The following RPL31 variants were observed in gnomAD, a reference collection of about 807,000 sequenced individuals.
RPL31 encodes large ribosomal subunit protein eL31.
For missense variants in RPL31, 95 were observed against 164.0 expected, an observed-to-expected ratio of 0.58 and a Z score of 2.30; for synonymous variants, 51 against 55.0, an observed-to-expected ratio of 0.93 and a Z score of 0.32.
exon 5 of RPL31, chr2:101,019,233 A>G: frequency 1.9e-6 from 1 of 521,762 alleles, no homozygotes; most frequent in Non-Finnish European, 3.3e-6. Context: ...CCTCTTCGAC[A>G]GGCAAGTAAT....
At chr2:101,003,182 G>A (rs1678604608) in intron 2 of RPL31, among the ~76,000 whole-genome samples, 1 of 152,066 alleles carries the variant, frequency 6.6e-6, no homozygotes, top group African/African-American at 2.4e-5. Context: ...AATCATACCG[G>A]GCATGCTTTT....
downstream of RPL31, chr2:101,011,192 C>T (rs72976848): frequency 9.2e-3 from 6,667 of 724,326 alleles, 329 homozygotes; most frequent in African/African-American, 0.1. Flanking sequence ...TGGGTGGTAA[C>T]TGGGGGACTT....
Position 101,017,828 on chromosome 2 carries a change from A to G in RPL31, c.347-1170A>G. ...TATTAGTTTTCATACTAATACTAACAGTGAAGCAGCTACATGCAATTCCCA... is the reference window on the plus strand; with the variant it reads ...TATTAGTTTTCATACTAATACTAACGGTGAAGCAGCTACATGCAATTCCCA... On this transcript the variant is annotated intron_variant, in intron 4 of 4. Coordinates refer to the RPL31 transcript ENST00000409028. 1.9e-6 allele frequency: 3 copies of G among 1,549,824 alleles called. No individual in the cohort carries two copies. In the East Asian group the frequency reaches 7.3e-5, roughly 38 times the overall value.
chr2:101,009,780 GTC>G (rs1316674525), downstream of RPL31, among the ~76,000 whole-genome samples: 1 of 151,452 alleles, frequency 6.6e-6, no homozygotes, highest in Non-Finnish European at 1.5e-5. Flanking sequence ...AAGGGTCGTA[GTC>G]CACAGCACCA....
chr2:101,003,499 C>T (rs1045901674), intron 2 of RPL31, among the ~76,000 whole-genome samples: 1 of 152,142 alleles, frequency 6.6e-6, no homozygotes, highest in Non-Finnish European at 1.5e-5. Context: ...GCTTTATTTT[C>T]CCTGGTTTGT....
intron 3 of RPL31, 113 bp downstream of exon 3, chr2:101,004,396 A>T: frequency 2.4e-5 from 18 of 750,452 alleles, no homozygotes; most frequent in South Asian, 4.5e-5. Flanking sequence ...TGGAAGTATA[A>T]AAAAAAAAAA....
downstream of RPL31, among the ~76,000 whole-genome samples, chr2:101,009,406 CAAAAAAA>C (rs70943054): frequency 5.0e-3 from 492 of 97,782 alleles, 6 homozygotes; most frequent in African/African-American, 0.02. Context: ...ACTCTGTCTC[CAAAAAAA>C]AAAAAAAAAA....
intron 4 of RPL31, among the ~76,000 whole-genome samples, chr2:101,015,679 A>G (rs1679577138): frequency 1.3e-5 from 2 of 152,248 alleles, no homozygotes; most frequent in South Asian, 2.1e-4. Flanking sequence ...ACTATACTAC[A>G]AGGCTACAGT....
At chr2:101,010,272 C>T, downstream of RPL31, among the ~76,000 whole-genome samples, 1 of 152,156 alleles carries the variant, frequency 6.6e-6, no homozygotes, top group East Asian at 1.9e-4. Flanking sequence ...GTGTATCATG[C>T]AGCCAGTGAT....
chr2:101,011,824 G>GA (rs1468827907), downstream of RPL31, among the ~76,000 whole-genome samples: 4 of 152,100 alleles, frequency 2.6e-5, no homozygotes, highest in Non-Finnish European at 5.9e-5. Flanking sequence ...TACTGATTTG[G>GA]AAAAAATGTA....
chr2:101,011,494 A>C, downstream of RPL31: 1 of 1,613,858 alleles, frequency 6.2e-7, no homozygotes, highest in East Asian at 2.2e-5. Flanking sequence ...TTGACAACAG[A>C]GGATTCCTCA....
At chr2:101,011,518 G>T, downstream of RPL31, 1 of 1,613,964 alleles carries the variant, frequency 6.2e-7, no homozygotes, top group Non-Finnish European at 8.5e-7. Context: ...GCGACTGGCT[G>T]TCTCGGTCAT....
chr2:101,003,132 C>T lies in RPL31; in HGVS notation c.107+324C>T, dbSNP rs550605583. Among the ~76,000 whole-genome samples, 8 of 152,320 alleles carry T rather than the reference C, an allele frequency of 5.3e-5. No homozygotes were observed. In the South Asian group the frequency reaches 1.7e-3, roughly 32 times the overall value. On this transcript the variant is annotated intron_variant, in intron 2 of 4. Coordinates refer to ENST00000264258, the MANE Select transcript of RPL31 (RefSeq NM_000993.5). ...CGGCCTTCTATCTTAGGTTAGAAAT[C>T]AAGAGTTCTTGCCATGATCCCACAT... is the stretch of plus-strand genomic sequence containing the variant.
At position 101,006,471 on chromosome 2, in the gene RPL31, C is replaced by T; in HGVS notation, c.*90C>T. ...AACATAATGTACTTGTATACCCTAT[C>T]CTAATTATGGGATCATTTGAAGAGC... On this transcript the variant is annotated 3_prime_UTR_variant, in exon 5 of 5. Transcript: ENST00000264258. 2 of 1,212,672 alleles carry T rather than the reference C, an allele frequency of 1.6e-6. No individual in the cohort carries two copies. The highest frequency in any genetic ancestry group is 3.0e-5 in the South Asian group (2 of 66,328). 75.1% of individuals were successfully genotyped at this position (1,212,672 alleles called of 1,614,324 possible). A position where few individuals can be genotyped will look rare whatever the true frequency, so the allele number is the denominator to read the frequency against.
chr2:101,006,130 A>C (rs1325846395), intron 4 of RPL31, 59 bp downstream of exon 4: 2 of 1,580,636 alleles, frequency 1.3e-6, no homozygotes. Context: ...CTTACCTCTT[A>C]AAATGTGAAT....
At chr2:101,007,973 A>G, downstream of RPL31, 1 of 1,614,020 alleles carries the variant, frequency 6.2e-7, no homozygotes, top group East Asian at 2.2e-5. Context: ...GTCAGAAGTG[A>G]AGCTAAAATA....
At position 101,006,415 on chromosome 2, in the gene RPL31, T is replaced by C. The variant is rs1485593698; in HGVS notation, c.*34T>C. On this transcript the variant is annotated 3_prime_UTR_variant, in exon 5 of 5. Transcript: ENST00000264258. The stretch of plus-strand genomic sequence containing the variant: ...CGTCAGATCAAATAAAGTTATAAAA[T>C]TGCCTTCATGTTTTTGTTCTTTTTA... 1.2e-6 allele frequency: 2 copies of C among 1,600,174 alleles called. No individual in the cohort carries two copies. Among genetic ancestry groups the C allele is most frequent in the Non-Finnish European group, 1.7e-6 (2 of 1,174,922 alleles).
chr2:101,007,833 C>T (rs760034032), downstream of RPL31: 2 of 1,613,426 alleles, frequency 1.2e-6, no homozygotes, highest in Non-Finnish European at 1.7e-6. Flanking sequence ...ACAAGTTACT[C>T]AGCTTAAGTT....
At chr2:101,019,147 A>C in exon 5 of RPL31, 2 of 1,467,608 alleles carry the variant, frequency 1.4e-6, no homozygotes, top group South Asian at 1.2e-5. Context: ...TCTGTCTCCC[A>C]TATTACCCTG....
Sources: gnomAD v4.1 joint callset for allele counts (sites outside exome capture counted in the v4.1 genomes callset) on GRCh38, gnomAD v4.1.1 for gene constraint, MANE v1.5 for transcripts, NCBI Gene and HGNC (gene_info 2026-07-23, HGNC 2026-07-21) for gene names.